KCNMA1: variants seen among roughly 807,000 people sequenced by gnomAD.
KCNMA1 encodes Calcium-activated potassium channel subunit alpha-1.
Under a neutral mutation model 140.0 loss-of-function variants are expected in KCNMA1, and 29 were observed. The observed-to-expected ratio is 0.21, with a 90% CI of 0.15 to 0.28. The LOEUF (loss-of-function observed/expected upper bound fraction) is 0.28, where lower values mean the gene tolerates loss of function less well. KCNMA1 is among the 10% of genes least tolerant of loss of function. KCNMA1 has a pLI of 1.00. For synonymous variants in KCNMA1, 612 were observed against 611.9 expected (o/e 1.00, Z 0.00); for missense variants, 880 against 1,602.2 (o/e 0.55, Z 7.70).
At chr10:77,579,678 G>T (rs2075290419) in intron 1 of KCNMA1, among the ~76,000 whole-genome samples, 1 of 152,146 alleles carries the variant, frequency 6.6e-6, no homozygotes, top group African/African-American at 2.4e-5. Flanking sequence ...ACAAGATCTG[G>T]GTTACGTCTT....
rs974221119 is a variant in KCNMA1 at position 77,354,143 on chromosome 10, C to T, written c.540+49719G>A. ...CTGGGACTACAGATGCGTGCCACCACACCCAGCTAATTTTTGTATTTTTAG... is the reference window on the plus strand; with the variant it reads ...CTGGGACTACAGATGCGTGCCACCATACCCAGCTAATTTTTGTATTTTTAG... On this transcript the variant is annotated intron_variant, in intron 2 of 27. Transcript: ENST00000286628. Among the ~76,000 whole-genome samples, 7 of 152,330 alleles carry T rather than the reference C, an allele frequency of 4.6e-5. No individual in the cohort carries two copies. In the East Asian group the frequency reaches 1.2e-3, roughly 25 times the overall value.
At chr10:77,433,086 C>T (rs669509) in intron 1 of KCNMA1, among the ~76,000 whole-genome samples, 10,706 of 152,208 alleles carry the variant, frequency 0.07, 731 homozygotes, top group African/African-American at 0.18. Flanking sequence ...AGGTAAGTTT[C>T]AATTTTTCAA....
intron 1 of KCNMA1, among the ~76,000 whole-genome samples, chr10:77,519,436 A>G (rs2051959983): frequency 6.6e-6 from 1 of 152,236 alleles, no homozygotes; most frequent in African/African-American, 2.4e-5. Flanking sequence ...TTTGAAGGCC[A>G]GCCTCATAAA....
chr10:77,328,912 C>T (rs2085249850), intron 2 of KCNMA1, among the ~76,000 whole-genome samples: 1 of 152,062 alleles, frequency 6.6e-6, no homozygotes, highest in African/African-American at 2.4e-5. Flanking sequence ...ATGATCTCGG[C>T]TCACTGCAAG....
chr10:76,927,565 A>T (rs949354357), intron 23 of KCNMA1, among the ~76,000 whole-genome samples: 2 of 152,252 alleles, frequency 1.3e-5, no homozygotes, highest in Non-Finnish European at 2.9e-5. Context: ...ATAATAAAGT[A>T]AGCGATTAGC....
intron 9 of KCNMA1, 158 bp from the exon 10 acceptor site, chr10:77,090,668 G>A (rs2096792130): frequency 1.5e-6 from 1 of 658,052 alleles, no homozygotes; most frequent in Non-Finnish European, 2.8e-6. Flanking sequence ...AGAGGGCAGT[G>A]AGGCAAAGCA....
chr10:77,487,674 G>C (rs779726509), intron 1 of KCNMA1, among the ~76,000 whole-genome samples: 10 of 152,084 alleles, frequency 6.6e-5, no homozygotes, highest in Non-Finnish European at 1.3e-4. Flanking sequence ...CCAAAATTTC[G>C]TGCATGGGAC....
At chr10:77,353,974 G>T (rs1277381499) in intron 2 of KCNMA1, among the ~76,000 whole-genome samples, 5 of 143,684 alleles carry the variant, frequency 3.5e-5, no homozygotes, top group Non-Finnish European at 7.5e-5. Context: ...TTTTTTTGGG[G>T]GGGGGGGTGG....
intron 11 of KCNMA1, among the ~76,000 whole-genome samples, chr10:77,085,553 T>G (rs2096671720): frequency 6.6e-6 from 1 of 152,208 alleles, no homozygotes; most frequent in Non-Finnish European, 1.5e-5. Context: ...AGAATTCTTA[T>G]GCTGGCTCAG....
At chr10:76,945,321 T>A (rs532959932) in intron 22 of KCNMA1, among the ~76,000 whole-genome samples, 1 of 152,192 alleles carries the variant, frequency 6.6e-6, no homozygotes, top group African/African-American at 2.4e-5. Flanking sequence ...TAAGTAACTG[T>A]CCTGTGGCAA....
At chr10:76,970,305 C>T (rs1293362177) in intron 19 of KCNMA1, 3 of 351,150 alleles carry the variant, frequency 8.5e-6, no homozygotes, top group South Asian at 4.0e-5. Flanking sequence ...CAGACTAAAA[C>T]AGTTTGTAAA....
chr10:77,247,705 G>A (rs1477540282), intron 3 of KCNMA1, among the ~76,000 whole-genome samples: 1 of 152,124 alleles, frequency 6.6e-6, no homozygotes, highest in Admixed American at 6.5e-5. Flanking sequence ...AGATCTTTGG[G>A]GAGATGGTGT....
intron 1 of KCNMA1, among the ~76,000 whole-genome samples, chr10:77,479,248 A>G (rs192215219): frequency 1.3e-5 from 2 of 152,352 alleles, no homozygotes. Flanking sequence ...CTTTTCACAT[A>G]AAGAAGCTGA....
At chr10:76,958,727 C>A (rs1004590667) in intron 20 of KCNMA1, among the ~76,000 whole-genome samples, 1 of 152,066 alleles carries the variant, frequency 6.6e-6, no homozygotes, top group African/African-American at 2.4e-5. Flanking sequence ...AGAAGAGAGG[C>A]CTGAAACAGA....
At chr10:76,920,446 T>C (rs996282598) in intron 23 of KCNMA1, among the ~76,000 whole-genome samples, 4 of 152,094 alleles carry the variant, frequency 2.6e-5, no homozygotes, top group East Asian at 1.9e-4. Context: ...CCCCAGGACA[T>C]ACATCTAGGA....
At chr10:77,018,049 C>G (rs757197247) in intron 17 of KCNMA1, among the ~76,000 whole-genome samples, 73 of 152,228 alleles carry the variant, frequency 4.8e-4, no homozygotes, top group Non-Finnish European at 8.1e-4. Flanking sequence ...TACTTATGTG[C>G]CTCATGGCCT....
chr10:77,191,108 T>G (rs2098934826), intron 3 of KCNMA1, among the ~76,000 whole-genome samples: 1 of 152,194 alleles, frequency 6.6e-6, no homozygotes, highest in South Asian at 2.1e-4. Flanking sequence ...TTTGAAGCTT[T>G]CCTGGCTACC....
chr10:76,951,924 G>GTT (rs2066416912), intron 21 of KCNMA1: 1 of 1,018,850 alleles, frequency 9.8e-7, no homozygotes, highest in Non-Finnish European at 1.5e-6. Context: ...GAGAGCAGTC[G>GTT]TTGTCAGGGA....
intron 12 of KCNMA1, among the ~76,000 whole-genome samples, chr10:77,082,002 C>CTTTTTTTTTTTTTTTTTTTTTTTT (rs772878572): frequency 7.7e-5 from 4 of 51,650 alleles, no homozygotes; most frequent in Non-Finnish European, 1.4e-4. Context: ...TTCTTTTTTT[C>CTTTTTTTTTTTTTTTTTTTTTTTT]TTTTCTTTTT....
Sources: allele counts gnomAD v4.1 joint callset (sites outside exome capture counted in the v4.1 genomes callset), GRCh38; gene constraint gnomAD v4.1.1; transcripts MANE v1.5; gene names NCBI Gene and HGNC (gene_info 2026-07-23, HGNC 2026-07-21).